ATF7IP2: variants seen among roughly 807,000 people sequenced by gnomAD.
The protein encoded by ATF7IP2 is activating transcription factor 7 interacting protein 2, also known as activating transcription factor 7-interacting protein 2.
In ATF7IP2, 42 loss-of-function variants were observed where a neutral mutation model predicts 64.2. The ratio of observed to expected loss-of-function variants is 0.65; its 90% confidence interval spans 0.51 to 0.85. The LOEUF (loss-of-function observed/expected upper bound fraction) is 0.85. Ranked by LOEUF, ATF7IP2 falls within the 40% of genes least tolerant of loss-of-function variation. The probability of loss-of-function intolerance (pLI) is 0.00; values close to 1 mark genes in which losing one functional copy is unlikely to be tolerated. For missense variants in ATF7IP2, 933 were observed against 784.2 expected (o/e 1.19, Z -2.27); for synonymous variants, 308 against 272.8 (o/e 1.13, Z -1.27).
intron 11 of ATF7IP2, 43 bp downstream of exon 11, chr16:10,473,577 TGTTA>T: frequency 7.3e-7 from 1 of 1,371,162 alleles, no homozygotes; most frequent in Non-Finnish European, 1.0e-6. Flanking sequence ...TATTTAAATA[TGTTA>T]GTTCAAGGAA....
intron 10 of ATF7IP2, among the ~76,000 whole-genome samples, chr16:10,473,175 G>A (rs570891094): frequency 6.6e-6 from 1 of 152,272 alleles, no homozygotes; most frequent in African/African-American, 2.4e-5. Context: ...TAAAAATACT[G>A]TGAATTAAAA....
intron 6 of ATF7IP2, among the ~76,000 whole-genome samples, chr16:10,435,575 A>T (rs2048394372): frequency 6.6e-6 from 1 of 152,166 alleles, no homozygotes; most frequent in Non-Finnish European, 1.5e-5. Context: ...AAATTAGAAC[A>T]AGTGTATAGT....
intron 2 of ATF7IP2, among the ~76,000 whole-genome samples, chr16:10,417,200 A>G (rs980973873): frequency 1.3e-5 from 2 of 152,210 alleles, no homozygotes; most frequent in African/African-American, 4.8e-5. Context: ...GTAATAATCG[A>G]TAATGTGACA....
intron 3 of ATF7IP2, among the ~76,000 whole-genome samples, chr16:10,423,075 T>G (rs2048018357): frequency 6.6e-6 from 1 of 152,168 alleles, no homozygotes; most frequent in Non-Finnish European, 1.5e-5. Context: ...GAACTTCGTC[T>G]CTACTAAAAA....
intron 9 of ATF7IP2, among the ~76,000 whole-genome samples, chr16:10,471,187 C>G (rs1031295734): frequency 6.6e-6 from 1 of 152,148 alleles, no homozygotes; most frequent in Non-Finnish European, 1.5e-5. Flanking sequence ...CAAAATGGAT[C>G]ATACACCTAA....
chr16:10,403,018 T>C (rs1042716731), intron 1 of ATF7IP2, among the ~76,000 whole-genome samples: 1 of 152,228 alleles, frequency 6.6e-6, no homozygotes, highest in Non-Finnish European at 1.5e-5. Flanking sequence ...ATGAATGTTA[T>C]GTTCATTTGG....
chr16:10,409,958 G>A (rs1454106810), intron 1 of ATF7IP2, among the ~76,000 whole-genome samples: 9 of 152,194 alleles, frequency 5.9e-5, no homozygotes, highest in Admixed American at 6.5e-5. Context: ...CCAGTAGCAT[G>A]CTGTTTTGGT....
chr16:10,452,584 G>C (rs1234197353), intron 8 of ATF7IP2, among the ~76,000 whole-genome samples: 1 of 152,210 alleles, frequency 6.6e-6, no homozygotes, highest in Non-Finnish European at 1.5e-5. Context: ...ACGGGGGTCA[G>C]GGACCCACTT....
intron 1 of ATF7IP2, among the ~76,000 whole-genome samples, chr16:10,400,748 C>G (rs1387678701): frequency 6.6e-6 from 1 of 152,192 alleles, no homozygotes; most frequent in Non-Finnish European, 1.5e-5. Context: ...GTGGCACGAT[C>G]TTGGCTCATT....
chr16:10,474,007 ATCTT>A lies in ATF7IP2; in HGVS notation c.1549+24_1549+27del, dbSNP rs764276970. On this transcript the variant is annotated intron_variant, in intron 12 of 13. Transcript: ENST00000562102. Reference sequence around the variant, plus strand: ...CAATACAGGTAAAAGGATTTTTTAGATCTTTCTTTTGTAAAAAGGAGGGAAGGGT... The same window carrying A: ...CAATACAGGTAAAAGGATTTTTTAGATCTTTTGTAAAAAGGAGGGAAGGGT... The A allele has an allele frequency of 1.3e-6, 2 of 1,535,036 alleles. No homozygotes were observed. The highest frequency in any genetic ancestry group is 1.8e-5 in the Admixed American group (1 of 54,512).
chr16:10,481,034 G>A (rs1035331929), intron 13 of ATF7IP2, 70 bp downstream of exon 13: 3 of 1,156,314 alleles, frequency 2.6e-6, no homozygotes, highest in African/African-American at 3.0e-5. Context: ...TGTTACTCTT[G>A]AAGAAACATT....
chr16:10,433,727 A>C (rs2048329696), intron 6 of ATF7IP2, 78 bp downstream of exon 6: 1 of 1,511,066 alleles, frequency 6.6e-7, no homozygotes, highest in Non-Finnish European at 9.1e-7. Flanking sequence ...TGGTCCCCAC[A>C]GTGGCATAAT....
At chr16:10,390,121 TG>T (rs1176990430) in intron 1 of ATF7IP2, among the ~76,000 whole-genome samples, 2 of 152,182 alleles carry the variant, frequency 1.3e-5, no homozygotes, top group Non-Finnish European at 2.9e-5. Flanking sequence ...TAATGAGAAT[TG>T]TTCTTATTAA....
Position 10,473,494 on chromosome 16 carries a change from C to A in ATF7IP2, c.1442C>A (p.Thr481Lys). ...TTTCTTTCAGATACCAGAAAAATTA[C>A]ATCAGGAAATTCTAGCAATTCTCCC... Reference protein sequence around the residue: ...TSNPTDTRKITSGNSSNSPNA... With the variant: ...TSNPTDTRKIKSGNSSNSPNA... Residue 481 changes from threonine (T) to lysine (K), a missense_variant, in exon 11 of 14, where the codon ACA becomes AAA. Physicochemically the swap from Thr to Lys is moderately conservative, Grantham distance 78. Coordinates refer to ENST00000562102, the MANE Select transcript of ATF7IP2 (RefSeq NM_001393719.1). 1 of 1,566,302 alleles carries A rather than the reference C, an allele frequency of 6.4e-7. No homozygotes were observed. The highest frequency in any genetic ancestry group is 8.8e-7 in the Non-Finnish European group (1 of 1,141,488).
intron 1 of ATF7IP2, among the ~76,000 whole-genome samples, chr16:10,412,348 A>G (rs1200379330): frequency 1.3e-5 from 2 of 152,060 alleles, no homozygotes; most frequent in African/African-American, 4.8e-5. Flanking sequence ...CGCCTTTGCT[A>G]TATCCCAGAA....
intron 8 of ATF7IP2, among the ~76,000 whole-genome samples, chr16:10,450,866 G>A (rs981227721): frequency 3.3e-5 from 5 of 152,208 alleles, no homozygotes; most frequent in African/African-American, 1.2e-4. Flanking sequence ...TATGATGCTA[G>A]CTGGTTATTT....
chr16:10,392,629 A>G (rs564390712), intron 1 of ATF7IP2, among the ~76,000 whole-genome samples: 74 of 152,280 alleles, frequency 4.9e-4, no homozygotes, highest in Non-Finnish European at 8.4e-4. Flanking sequence ...AACCTTTGAT[A>G]TCAACACCCA....
chr16:10,445,323 A>G (rs1034029717), intron 8 of ATF7IP2: 2 of 152,052 alleles, frequency 1.3e-5, no homozygotes, highest in African/African-American at 4.8e-5. Flanking sequence ...GGAAGAGAAA[A>G]TGGGGACTGT....
At chr16:10,464,049 C>G (rs1179484197) in intron 9 of ATF7IP2, among the ~76,000 whole-genome samples, 1 of 152,158 alleles carries the variant, frequency 6.6e-6, no homozygotes, top group Non-Finnish European at 1.5e-5. Context: ...AGAACACTGG[C>G]CAAGCGTCCA....
Sources: gnomAD v4.1 joint callset for allele counts (sites outside exome capture counted in the v4.1 genomes callset) on GRCh38, gnomAD v4.1.1 for gene constraint, MANE v1.5 for transcripts, NCBI Gene and HGNC (gene_info 2026-07-23, HGNC 2026-07-21) for gene names.